Variants in CTNNA3 observed in about 807,000 individuals in gnomAD.
CTNNA3 encodes catenin alpha 3.
Under a neutral mutation model 95.7 loss-of-function variants are expected in CTNNA3, and 76 were observed. That is an observed-to-expected ratio of 0.79 (90% confidence interval 0.66 to 0.96). The LOEUF is 0.96. Among genes scored for constraint, CTNNA3 ranks in the 40% least tolerant of loss-of-function variants. The probability of loss-of-function intolerance (pLI) is 0.00; values close to 1 mark genes in which losing one functional copy is unlikely to be tolerated. For synonymous variants in CTNNA3, 431 were observed against 374.4 expected, an observed-to-expected ratio of 1.15 and a Z score of -1.74; for missense variants, 1,191 against 1,089.8, an observed-to-expected ratio of 1.09 and a Z score of -1.31.
At chr10:66,425,522 G>A (rs1255074802) in intron 11 of CTNNA3, among the ~76,000 whole-genome samples, 1 of 151,836 alleles carries the variant, frequency 6.6e-6, no homozygotes, top group Non-Finnish European at 1.5e-5. Context: ...ATTTTAGTAT[G>A]TCCTGCCTAC....
chr10:66,486,168 C>A (rs1441182308), intron 11 of CTNNA3, among the ~76,000 whole-genome samples: 1 of 151,926 alleles, frequency 6.6e-6, no homozygotes, highest in African/African-American at 2.4e-5. Context: ...AGATATAACC[C>A]CAAAAGTATA....
intron 15 of CTNNA3, among the ~76,000 whole-genome samples, chr10:66,002,352 A>G (rs906485049): frequency 6.6e-6 from 1 of 152,160 alleles, no homozygotes; most frequent in Non-Finnish European, 1.5e-5. Context: ...GCTAATGAAT[A>G]CTCAGCTAGC....
At chr10:67,456,483 C>A (rs1847175477) in intron 5 of CTNNA3, among the ~76,000 whole-genome samples, 1 of 152,094 alleles carries the variant, frequency 6.6e-6, no homozygotes, top group Non-Finnish European at 1.5e-5. Context: ...TGAAACAAGT[C>A]ATTAAACTTG....
At chr10:67,114,510 T>C (rs1386519451) in intron 7 of CTNNA3, among the ~76,000 whole-genome samples, 4 of 152,136 alleles carry the variant, frequency 2.6e-5, no homozygotes, top group East Asian at 1.9e-4. Context: ...TCTCTGTAGA[T>C]TTTTTTTATT....
chr10:66,357,534 C>T (rs977687189), intron 12 of CTNNA3, among the ~76,000 whole-genome samples: 1 of 152,050 alleles, frequency 6.6e-6, no homozygotes, highest in Non-Finnish European at 1.5e-5. Context: ...AATCTGCTTT[C>T]TGTGCTTATA....
intron 14 of CTNNA3, among the ~76,000 whole-genome samples, chr10:66,078,058 C>T (rs947718227): frequency 6.6e-6 from 1 of 151,830 alleles, no homozygotes; most frequent in African/African-American, 2.4e-5. Context: ...CCTTTTTCCA[C>T]TTGATATCTT....
chr10:67,231,486 A>T (rs1339942324), intron 5 of CTNNA3, among the ~76,000 whole-genome samples: 2 of 152,224 alleles, frequency 1.3e-5, no homozygotes, highest in Non-Finnish European at 2.9e-5. Context: ...AAGGAAAACT[A>T]ACAAACAGAA....
chr10:66,694,037 C>T (rs7478609), intron 9 of CTNNA3, among the ~76,000 whole-genome samples: 136,379 of 151,854 alleles, frequency 0.9, 61,450 homozygotes, highest in East Asian at 1. Flanking sequence ...CACCCTAACA[C>T]CACAATTAAA....
chr10:67,607,608 A>G (rs566957781), intron 2 of CTNNA3, among the ~76,000 whole-genome samples: 6 of 152,250 alleles, frequency 3.9e-5, no homozygotes, highest in Non-Finnish European at 8.8e-5. Flanking sequence ...TTAAAAGTGA[A>G]CCTGCATAGT....
intron 7 of CTNNA3, among the ~76,000 whole-genome samples, chr10:66,998,823 G>A (rs2140371): frequency 1 from 151,712 of 152,252 alleles, 75,590 homozygotes; most frequent in Middle Eastern, 1. Flanking sequence ...AGTGGATTGT[G>A]GGAGATACAA....
At chr10:65,986,167 G>T (rs2078423205) in intron 16 of CTNNA3, among the ~76,000 whole-genome samples, 1 of 151,274 alleles carries the variant, frequency 6.6e-6, no homozygotes, top group East Asian at 1.9e-4. Context: ...GACTCTGAGT[G>T]TGAATCCTGT....
At chr10:67,389,919 G>C (rs1318747295) in intron 5 of CTNNA3, among the ~76,000 whole-genome samples, 1 of 150,562 alleles carries the variant, frequency 6.6e-6, no homozygotes, top group African/African-American at 2.4e-5. Flanking sequence ...GTGTGTAGAG[G>C]GAAATTTATA....
intron 7 of CTNNA3, among the ~76,000 whole-genome samples, chr10:66,820,413 T>G (rs1253849255): frequency 6.6e-6 from 1 of 152,042 alleles, no homozygotes; most frequent in Non-Finnish European, 1.5e-5. Flanking sequence ...TGATCATAGC[T>G]GCACAATTTT....
intron 11 of CTNNA3, among the ~76,000 whole-genome samples, chr10:66,495,152 A>C (rs1840058604): frequency 1.3e-5 from 2 of 152,192 alleles, no homozygotes; most frequent in African/African-American, 4.8e-5. Flanking sequence ...TATTCACCAC[A>C]GTAGCATGGC....
At chr10:67,100,280 C>T (rs1279299122) in intron 7 of CTNNA3, among the ~76,000 whole-genome samples, 1 of 151,680 alleles carries the variant, frequency 6.6e-6, no homozygotes, top group African/African-American at 2.4e-5. Context: ...CTCTGTGCAA[C>T]CAAGGCCCTA....
chr10:67,165,009 G>C (rs541478737), intron 7 of CTNNA3, among the ~76,000 whole-genome samples: 6 of 152,122 alleles, frequency 3.9e-5, no homozygotes, highest in Non-Finnish European at 7.4e-5. Context: ...ACTTGTGGGT[G>C]TTTCTCTTAG....
chr10:66,187,483 G>A lies in CTNNA3; in HGVS notation c.1885-84234C>T, dbSNP rs182215916. ...AGAGAAGGCCCTATGCTGTCATGCT[G>A]TCATCTCTAGATGATGTTGAGCTTC... is the stretch of plus-strand genomic sequence containing the variant. On this transcript the variant is annotated intron_variant, in intron 13 of 17. Transcript: ENST00000433211. Among the ~76,000 whole-genome samples, 116 of 151,140 alleles carry A rather than the reference G, an allele frequency of 7.7e-4. 1 individual carries two copies. The highest frequency in any genetic ancestry group is 2.8e-3 in the African/African-American group (115 of 41,156).
intron 7 of CTNNA3, among the ~76,000 whole-genome samples, chr10:67,007,992 A>T (rs1040597170): frequency 4.6e-5 from 7 of 152,086 alleles, no homozygotes; most frequent in African/African-American, 1.4e-4. Flanking sequence ...TACCATATTA[A>T]ATATAGCTAT....
chr10:67,577,632 G>A (rs532506500), intron 3 of CTNNA3, among the ~76,000 whole-genome samples: 2 of 151,002 alleles, frequency 1.3e-5, no homozygotes, highest in Admixed American at 6.6e-5. Context: ...CCTAGGTTTT[G>A]TATATATATG....
Sources: allele counts gnomAD v4.1 joint callset (sites outside exome capture counted in the v4.1 genomes callset), GRCh38; gene constraint gnomAD v4.1.1; transcripts MANE v1.5; gene names NCBI Gene and HGNC (gene_info 2026-07-23, HGNC 2026-07-21).